Variants in NCSTN observed in about 807,000 individuals in gnomAD.
NCSTN encodes anterior pharynx-defective 2.
A neutral mutation model predicts 87.0 loss-of-function variants in NCSTN; 22 were observed. That is an observed-to-expected ratio of 0.25 (90% CI 0.18 to 0.36). NCSTN has a LOEUF of 0.36. Ranked by LOEUF, NCSTN falls within the 10% of genes least tolerant of loss-of-function variation. The probability of loss-of-function intolerance (pLI) is 1.00; values close to 1 mark genes in which losing one functional copy is unlikely to be tolerated. For synonymous variants in NCSTN, 306 were observed against 327.1 expected, an observed-to-expected ratio of 0.94 and a Z score of 0.69; for missense variants, 693 against 883.3, an observed-to-expected ratio of 0.78 and a Z score of 2.73.
At chr1:160,351,565 A>G (rs1463118748) in intron 6 of NCSTN, 131 bp from the exon 7 acceptor site, 2 of 1,246,366 alleles carry the variant, frequency 1.6e-6, no homozygotes, top group Admixed American at 3.4e-5. Flanking sequence ...AGAGAAGCCA[A>G]CCTCGGACTG....
intron 2 of NCSTN, 76 bp downstream of exon 2, chr1:160,344,902 T>C: frequency 7.9e-7 from 1 of 1,259,010 alleles, no homozygotes; most frequent in Non-Finnish European, 1.2e-6. Flanking sequence ...ATCCATGTCC[T>C]GCTTAGGAGA....
chr1:160,354,389 C>A (rs570611823), intron 11 of NCSTN, 99 bp downstream of exon 11: 3 of 1,285,830 alleles, frequency 2.3e-6, no homozygotes, highest in South Asian at 2.4e-5. Context: ...CACACTACCC[C>A]CTCCAGAACT....
chr1:160,348,945 A>G, intron 2 of NCSTN, 54 bp from the exon 3 acceptor site: 1 of 1,613,122 alleles, frequency 6.2e-7, no homozygotes, highest in Non-Finnish European at 8.5e-7. Context: ...CAGTGAGGCA[A>G]AGTCAGAATT....
rs747845309 is a variant in NCSTN at position 160,346,609 on chromosome 1, C to CT, written c.190+1797dup. Among the ~76,000 whole-genome samples the CT allele has an allele frequency of 4.6e-3, 661 of 143,632 alleles. 1 individual carries two copies. Among genetic ancestry groups the CT allele is most frequent in the East Asian group, 0.013 (63 of 4,970 alleles). 94.2% of individuals were successfully genotyped at this position (143,632 alleles called of 152,430 possible). A position where few individuals can be genotyped will look rare whatever the true frequency, so the allele number is the denominator to read the frequency against. On this transcript the variant is annotated intron_variant, in intron 2 of 16. Coordinates refer to ENST00000294785, the MANE Select transcript of NCSTN (RefSeq NM_015331.3). ...ATAAAGTTTTTGTTGTACTTAGTTT[C>CT]TTTTTTTTTTTTTTGAGATGCAGTC...
At chr1:160,354,311 C>A in intron 11 of NCSTN, 21 bp downstream of exon 11, 1 of 1,609,314 alleles carries the variant, frequency 6.2e-7, no homozygotes, top group Non-Finnish European at 8.5e-7. Context: ...CTTGGCCCTG[C>A]ACCCTCTTCA....
intron 2 of NCSTN, among the ~76,000 whole-genome samples, chr1:160,345,938 G>GAAAAAAAAA (rs56358787): frequency 8.0e-4 from 48 of 59,776 alleles, no homozygotes; most frequent in Non-Finnish European, 1.1e-3. Context: ...GACACTGTCT[G>GAAAAAAAAA]AAAAAAAAAA....
At chr1:160,354,867 T>G (rs1649051404) in intron 11 of NCSTN, among the ~76,000 whole-genome samples, 1 of 152,156 alleles carries the variant, frequency 6.6e-6, no homozygotes, top group Admixed American at 6.5e-5. Flanking sequence ...GACTTCTTAC[T>G]CAGGCTGGAT....
rs998842651 is a variant in NCSTN, at chr1:160,356,881, T to C, written c.1794+127T>C. The C allele has an allele frequency of 7.7e-6, 11 of 1,421,272 alleles. No homozygotes were observed. The Admixed American group carries it at 9.3e-5, about 12-fold the overall frequency. The allele number at this position is 1,421,272 out of a possible 1,614,324, so 88.0% of individuals were successfully genotyped here. A position where few individuals can be genotyped will look rare whatever the true frequency, so the allele number is the denominator to read the frequency against. On this transcript the variant is annotated intron_variant, in intron 15 of 16. Transcript: ENST00000294785. Reference sequence around the variant, plus strand: ...GGTGGAGAGATGCAGTCCTCAGCAATTGGGTGTTGAAAAGCCTGGGTGAAA... The same window carrying C: ...GGTGGAGAGATGCAGTCCTCAGCAACTGGGTGTTGAAAAGCCTGGGTGAAA...
rs2274185 is a variant in NCSTN, at chr1:160,351,390, C to G, written c.733+18C>G. 111,075 of 1,612,964 alleles carry G rather than the reference C, an allele frequency of 0.069. 5,422 individuals carry two copies. Among genetic ancestry groups the G allele is most frequent in the South Asian group, 0.22 (19,707 of 90,980 alleles). The stretch of plus-strand genomic sequence containing the variant: ...CAACCCAGGTAGGGCAGATCCGAAC[C>G]ATGAGGGTAATGGAATAAGGGGCAG... On this transcript the variant is annotated intron_variant, in intron 6 of 16. Coordinates refer to ENST00000294785, the MANE Select transcript of NCSTN (RefSeq NM_015331.3).
chr1:160,358,116 C>T (rs1407358519), intron 16 of NCSTN, 33 bp from the exon 17 acceptor site: 2 of 1,614,158 alleles, frequency 1.2e-6, no homozygotes, highest in Admixed American at 1.7e-5. Context: ...CTGAGAATGC[C>T]TTTGTCCTTT....
intron 2 of NCSTN, among the ~76,000 whole-genome samples, chr1:160,347,258 T>A (rs559062272): frequency 6.6e-6 from 1 of 152,334 alleles, no homozygotes; most frequent in South Asian, 2.1e-4. Context: ...CTGAGCAGGC[T>A]CCGCCCTTTT....
rs1304333674 is a variant in NCSTN, at chr1:160,356,589, T to G, written c.1640-11T>G. The G allele has an allele frequency of 1.2e-6, 2 of 1,614,204 alleles. No homozygotes were observed. The highest frequency in any genetic ancestry group is 3.3e-5 in the Admixed American group (2 of 60,028). On this transcript the variant is annotated splice_polypyrimidine_tract_variant and intron_variant, in intron 14 of 16. Transcript: ENST00000294785. ...CCACCAAATCTTCCCTTCCCTTTGG[T>G]CTGCACTCAGGTGACGGGCCTCTTC... is the stretch of plus-strand genomic sequence containing the variant.
intron 11 of NCSTN, among the ~76,000 whole-genome samples, chr1:160,355,043 T>G (rs572021497): frequency 2.0e-5 from 3 of 152,166 alleles, no homozygotes; most frequent in Non-Finnish European, 4.4e-5. Context: ...TTGGGGCAAG[T>G]GAAGATTCAT....
intron 16 of NCSTN, 133 bp from the exon 17 acceptor site, chr1:160,358,016 A>T: frequency 8.7e-7 from 1 of 1,144,142 alleles, no homozygotes; most frequent in East Asian, 2.3e-5. Context: ...GATGTTGCCC[A>T]TGATTATTCC....
At position 160,343,411 on chromosome 1, in the gene NCSTN, G is replaced by T. The variant is rs200466539; in HGVS notation, c.15G>T (p.Gly5=). The T allele has an allele frequency of 3.0e-5, 49 of 1,612,974 alleles. No individual in the cohort carries two copies. In the East Asian group the frequency reaches 1.0e-3, roughly 33 times the overall value. Residue 5 remains glycine (G), a synonymous_variant, in exon 1 of 17, where the codon GGG becomes GGT. Coordinates refer to ENST00000294785, the MANE Select transcript of NCSTN (RefSeq NM_015331.3). MATA[G]GGSGADPGSR... Reference sequence around the variant, plus strand: ...AGAGAGGCAAGATGGCTACGGCAGGGGGTGGCTCTGGGGCTGACCCGGGAA... The same window carrying T: ...AGAGAGGCAAGATGGCTACGGCAGGTGGTGGCTCTGGGGCTGACCCGGGAA...
chr1:160,351,570 G>A (rs1648839606), intron 6 of NCSTN, 126 bp from the exon 7 acceptor site: 33 of 1,240,188 alleles, frequency 2.7e-5, no homozygotes, highest in South Asian at 3.6e-5. Flanking sequence ...AGCCAACCTC[G>A]GACTGTTGGA....
At chr1:160,355,148 C>T (rs1649060867) in intron 11 of NCSTN, among the ~76,000 whole-genome samples, 1 of 152,162 alleles carries the variant, frequency 6.6e-6, no homozygotes, top group South Asian at 2.1e-4. Context: ...CTCAGCCTCT[C>T]TTTTAAGATC....
At chr1:160,356,521 C>A in intron 14 of NCSTN, 79 bp from the exon 15 acceptor site, 1 of 1,572,642 alleles carries the variant, frequency 6.4e-7, no homozygotes, top group Non-Finnish European at 8.7e-7. Context: ...TTCTTTCTGG[C>A]TGCTGCCAAT....
chr1:160,343,491 C>T lies in NCSTN; in HGVS notation c.85+10C>T, dbSNP rs200663597. On this transcript the variant is annotated intron_variant, in intron 1 of 16. Transcript: ENST00000294785. The stretch of plus-strand genomic sequence containing the variant: ...TGCGTCCTACTAGCAGGTGAGGCCT[C>T]CCCGCCCGTGAGCTCCGTTCTCTAA... The T allele has an allele frequency of 6.2e-7, 1 of 1,600,642 alleles. No homozygotes were observed. Among genetic ancestry groups the T allele is most frequent in the Non-Finnish European group, 8.5e-7 (1 of 1,174,498 alleles).
Sources: allele counts gnomAD v4.1 joint callset (sites outside exome capture counted in the v4.1 genomes callset), GRCh38; gene constraint gnomAD v4.1.1; transcripts MANE v1.5; gene names NCBI Gene and HGNC (gene_info 2026-07-23, HGNC 2026-07-21).